RFX3: variants seen among roughly 807,000 people sequenced by gnomAD.
RFX3 encodes regulatory factor X3, also known as transcription factor RFX3.
Under a neutral mutation model 98.6 loss-of-function variants are expected in RFX3, and 14 were observed. That is an observed-to-expected ratio of 0.14 (90% confidence interval 0.09 to 0.22). The LOEUF (loss-of-function observed/expected upper bound fraction) is 0.22. RFX3 is among the 10% of genes least tolerant of loss of function. RFX3 has a pLI of 1.00. For synonymous variants in RFX3, 383 were observed against 328.4 expected, an observed-to-expected ratio of 1.17 and a Z score of -1.80; for missense variants, 639 against 926.9, an observed-to-expected ratio of 0.69 and a Z score of 4.03.
intron 1 of RFX3, among the ~76,000 whole-genome samples, chr9:3,408,226 T>G (rs1015928073): frequency 6.6e-6 from 1 of 152,134 alleles, no homozygotes; most frequent in Non-Finnish European, 1.5e-5. Flanking sequence ...TCCTTCCTAA[T>G]GGCACTGCAA....
intron 1 of RFX3, among the ~76,000 whole-genome samples, chr9:3,491,826 A>G (rs1850742597): frequency 6.6e-6 from 1 of 152,174 alleles, no homozygotes; most frequent in African/African-American, 2.4e-5. Context: ...TCCTTCTTGT[A>G]TATTATTCAA....
intron 1 of RFX3, among the ~76,000 whole-genome samples, chr9:3,427,166 T>C (rs7854273): frequency 0.24 from 35,976 of 147,850 alleles, 7,077 homozygotes; most frequent in African/African-American, 0.55. Flanking sequence ...ATACTTTTCC[T>C]TTTTCTTTTG....
At chr9:3,377,599 G>T (rs1838692240) in intron 2 of RFX3, among the ~76,000 whole-genome samples, 1 of 152,048 alleles carries the variant, frequency 6.6e-6, no homozygotes, top group African/African-American at 2.4e-5. Context: ...ATAAAAAAAA[G>T]AATATATGTT....
chr9:3,312,566 C>G (rs1830081145), intron 4 of RFX3, among the ~76,000 whole-genome samples: 1 of 151,094 alleles, frequency 6.6e-6, no homozygotes, highest in African/African-American at 2.4e-5. Context: ...TTCTTTTAAT[C>G]CTCAATTAAA....
intron 1 of RFX3, among the ~76,000 whole-genome samples, chr9:3,498,181 G>C (rs1232214084): frequency 6.6e-6 from 1 of 151,982 alleles, no homozygotes; most frequent in Non-Finnish European, 1.5e-5. Context: ...AAGGAGAAAT[G>C]TTAACTTACA....
intron 1 of RFX3, among the ~76,000 whole-genome samples, chr9:3,453,896 G>A (rs181958722): frequency 1.2e-4 from 18 of 151,412 alleles, no homozygotes; most frequent in Admixed American, 5.3e-4. Context: ...AATATACCCC[G>A]GTCTTTTTGC....
At chr9:3,341,583 T>C (rs947927568) in intron 3 of RFX3, among the ~76,000 whole-genome samples, 2 of 152,184 alleles carry the variant, frequency 1.3e-5, no homozygotes, top group African/African-American at 2.4e-5. Flanking sequence ...AGCCACCAAG[T>C]AGTCGGCTCC....
intron 15 of RFX3, among the ~76,000 whole-genome samples, chr9:3,234,129 A>G (rs1818830213): frequency 6.6e-6 from 1 of 152,206 alleles, no homozygotes; most frequent in African/African-American, 2.4e-5. Context: ...TCACCCAGGA[A>G]ACAAAATAAA....
intron 1 of RFX3, among the ~76,000 whole-genome samples, chr9:3,519,819 C>T (rs1436042793): frequency 2.0e-5 from 3 of 151,780 alleles, no homozygotes; most frequent in Non-Finnish European, 4.4e-5. Context: ...TAAGAACACT[C>T]TGCATTTGAT....
In RFX3 at chr9:3,246,098, T is replaced by G. The variant is rs571721166; in HGVS notation, c.1968+1934A>C. The stretch of plus-strand genomic sequence containing the variant: ...GTATGAGGAGATCAAACCTATAAAA[T>G]TAGTCTGAATTTGCCTTTTGGGGTA... On this transcript the variant is annotated intron_variant, in intron 15 of 16. Transcript: ENST00000617270. 2.2e-4 allele frequency among the ~76,000 whole-genome samples: 33 copies of G among 152,268 alleles called. 1 individual carries two copies. In the South Asian group the frequency reaches 6.4e-3, roughly 30 times the overall value.
At chr9:3,482,531 G>A (rs894238868) in intron 1 of RFX3, among the ~76,000 whole-genome samples, 1 of 152,148 alleles carries the variant, frequency 6.6e-6, no homozygotes, top group Non-Finnish European at 1.5e-5. Context: ...TTAAAATAAT[G>A]TCAACTGTCA....
At chr9:3,305,366 G>GT (rs1829160947) in intron 4 of RFX3, among the ~76,000 whole-genome samples, 1 of 151,970 alleles carries the variant, frequency 6.6e-6, no homozygotes, top group African/African-American at 2.4e-5. Context: ...CAGGAGAAGG[G>GT]TTTTGCTAGG....
intron 12 of RFX3, among the ~76,000 whole-genome samples, chr9:3,263,350 C>T (rs1320344546): frequency 6.6e-6 from 1 of 152,162 alleles, no homozygotes; most frequent in Non-Finnish European, 1.5e-5. Context: ...TTAAACTAGT[C>T]TTGCAAGTGA....
chr9:3,455,890 A>G (rs933480299), intron 1 of RFX3, among the ~76,000 whole-genome samples: 2 of 152,238 alleles, frequency 1.3e-5, no homozygotes, highest in Admixed American at 1.3e-4. Context: ...AAAACAGTCT[A>G]CACTTGTGTT....
At chr9:3,421,873 G>C (rs1350965314) in intron 1 of RFX3, among the ~76,000 whole-genome samples, 2 of 152,062 alleles carry the variant, frequency 1.3e-5, no homozygotes, top group African/African-American at 4.8e-5. Context: ...AATTACTCTA[G>C]CAGGCAATTT....
At chr9:3,385,028 C>T (rs117810451) in intron 2 of RFX3, among the ~76,000 whole-genome samples, 1,591 of 152,250 alleles carry the variant, frequency 0.01, 11 homozygotes, top group Middle Eastern at 0.02. Flanking sequence ...TTAAAGTTTA[C>T]CTTTCTTTGA....
chr9:3,522,582 T>C (rs1199058952), intron 1 of RFX3, among the ~76,000 whole-genome samples: 2 of 151,858 alleles, frequency 1.3e-5, no homozygotes, highest in African/African-American at 2.4e-5. Context: ...TGTGTGTGTG[T>C]GTGTGTAACT....
intron 4 of RFX3, among the ~76,000 whole-genome samples, chr9:3,303,527 T>G (rs1200026906): frequency 6.6e-6 from 1 of 151,960 alleles, no homozygotes; most frequent in African/African-American, 2.4e-5. Flanking sequence ...ATATTATAAT[T>G]TTTAATGAAA....
At chr9:3,497,614 A>G (rs1328160788) in intron 1 of RFX3, among the ~76,000 whole-genome samples, 2 of 151,862 alleles carry the variant, frequency 1.3e-5, no homozygotes, top group Non-Finnish European at 2.9e-5. Flanking sequence ...AAATATCTCA[A>G]TGGGAAATGC....
Sources: allele counts gnomAD v4.1 joint callset (sites outside exome capture counted in the v4.1 genomes callset), GRCh38; gene constraint gnomAD v4.1.1; transcripts MANE v1.5; gene names NCBI Gene and HGNC (gene_info 2026-07-23, HGNC 2026-07-21).